The following GRIP1 variants were observed in gnomAD, a reference collection of about 807,000 sequenced individuals.
The protein encoded by GRIP1 is glutamate receptor interacting protein 1.
GRIP1 carries 45 observed loss-of-function variants against 129.9 expected under a neutral mutation model. The observed-to-expected ratio is 0.35, with a 90% CI of 0.27 to 0.44. The LOEUF (loss-of-function observed/expected upper bound fraction) is 0.44, where lower values mean the gene tolerates loss of function less well. Ranked by LOEUF, GRIP1 falls within the 20% of genes least tolerant of loss-of-function variation. The pLI is 1.00. For missense variants in GRIP1, 1,196 were observed against 1,396.8 expected (o/e 0.86, Z 2.29); for synonymous variants, 530 against 520.8 (o/e 1.02, Z -0.24).
chr12:66,955,061 C>A (rs1464315224), intron 1 of GRIP1, among the ~76,000 whole-genome samples: 1 of 152,132 alleles, frequency 6.6e-6, no homozygotes. Context: ...TAATTGATAT[C>A]TTTTCATGAA....
At chr12:66,581,736 C>T (rs1200642695) in intron 2 of GRIP1, among the ~76,000 whole-genome samples, 1 of 152,112 alleles carries the variant, frequency 6.6e-6, no homozygotes, top group African/African-American at 2.4e-5. Context: ...AGACCAATAA[C>T]AGGAGCTGAA....
At chr12:66,892,378 T>A (rs2137236005) in intron 1 of GRIP1, among the ~76,000 whole-genome samples, 1 of 152,252 alleles carries the variant, frequency 6.6e-6, no homozygotes, top group South Asian at 2.1e-4. Flanking sequence ...GAACCTTTTT[T>A]AAAAAATGTT....
At position 66,432,571 on chromosome 12, in the gene GRIP1, A is replaced by T; in HGVS notation, c.1745T>A (p.Val582Glu). Residue 582 changes from valine to glutamate, a missense_variant, in exon 14 of 25, where the codon GTG becomes GAG. Physicochemically the swap from Val to Glu is moderately radical, Grantham distance 121 (BLOSUM62 -2). Coordinates refer to ENST00000359742, the MANE Select transcript of GRIP1 (RefSeq NM_001366722.1). ...FHVKLPKKHNVELGITISSPS... is the reference protein window; with the variant it reads ...FHVKLPKKHNEELGITISSPS... Reference sequence around the variant, plus strand: ...ACAACTTATGGTTATTCCAAGTTCCACATTGTGCTTCTTAGGCAGCTTTAC... The same window carrying T: ...ACAACTTATGGTTATTCCAAGTTCCTCATTGTGCTTCTTAGGCAGCTTTAC... The T allele has an allele frequency of 6.3e-7, 1 of 1,598,338 alleles. No individual in the cohort carries two copies.
At chr12:66,376,809 T>C (rs535898117) in intron 22 of GRIP1, among the ~76,000 whole-genome samples, 2 of 152,360 alleles carry the variant, frequency 1.3e-5, no homozygotes, top group South Asian at 4.1e-4. Flanking sequence ...GCTGGGAGAC[T>C]TAGCTCGCTT....
intron 1 of GRIP1, among the ~76,000 whole-genome samples, chr12:67,048,150 GAA>G (rs35243687): frequency 3.6e-5 from 5 of 137,360 alleles, no homozygotes; most frequent in Non-Finnish European, 4.7e-5. Context: ...CTTATTTTGG[GAA>G]AAAAAAAAAA....
chr12:66,415,430 G>T (rs910153510), intron 15 of GRIP1, among the ~76,000 whole-genome samples: 1 of 152,204 alleles, frequency 6.6e-6, no homozygotes, highest in Non-Finnish European at 1.5e-5. Context: ...ACAGATGCCG[G>T]TGAGGTTGCA....
chr12:66,997,208 C>T (rs1466302382), intron 1 of GRIP1, among the ~76,000 whole-genome samples: 1 of 152,046 alleles, frequency 6.6e-6, no homozygotes, highest in Non-Finnish European at 1.5e-5. Context: ...AGTATTTTTA[C>T]AATGAGGTAT....
At chr12:66,632,256 T>C (rs1043503509) in intron 1 of GRIP1, among the ~76,000 whole-genome samples, 2 of 152,074 alleles carry the variant, frequency 1.3e-5, no homozygotes, top group Non-Finnish European at 2.9e-5. Context: ...CAGAACTGCA[T>C]GGGAGAAAAA....
At chr12:66,780,963 C>T (rs1310999451) in intron 1 of GRIP1, among the ~76,000 whole-genome samples, 5 of 152,094 alleles carry the variant, frequency 3.3e-5, no homozygotes, top group African/African-American at 4.8e-5. Flanking sequence ...CCCAAGACAG[C>T]GTGGAGCAGG....
intron 1 of GRIP1, among the ~76,000 whole-genome samples, chr12:66,998,429 A>ATAT (rs148553469): frequency 6.6e-6 from 1 of 151,806 alleles, no homozygotes. Flanking sequence ...GATAAAAAAA[A>ATAT]ATATATATTT....
chr12:66,756,275 C>G (rs113580864), intron 1 of GRIP1, among the ~76,000 whole-genome samples: 349 of 152,214 alleles, frequency 2.3e-3, no homozygotes, highest in African/African-American at 7.9e-3. Flanking sequence ...TGAGTGCAAT[C>G]ATATCATATT....
chr12:66,823,085 C>A (rs995063838), intron 1 of GRIP1, among the ~76,000 whole-genome samples: 2 of 152,080 alleles, frequency 1.3e-5, no homozygotes, highest in African/African-American at 4.8e-5. Context: ...TCCAGCAAAC[C>A]CTACTAACTG....
At chr12:66,463,786 G>A (rs2059204504) in intron 8 of GRIP1, among the ~76,000 whole-genome samples, 3 of 152,152 alleles carry the variant, frequency 2.0e-5, no homozygotes, top group Non-Finnish European at 2.9e-5. Context: ...CTCAAGAGCT[G>A]GCTACTGGAT....
At chr12:66,571,145 A>G (rs1340317373) in intron 2 of GRIP1, 3 of 152,204 alleles carry the variant, frequency 2.0e-5, no homozygotes, top group Non-Finnish European at 4.4e-5. Flanking sequence ...AAGTTCTAAG[A>G]CTATTTTTCT....
chr12:66,874,865 C>T (rs752907700), intron 1 of GRIP1, among the ~76,000 whole-genome samples: 5 of 152,026 alleles, frequency 3.3e-5, no homozygotes, highest in Non-Finnish European at 5.9e-5. Flanking sequence ...ATTTACCAAA[C>T]GTTCCACCAT....
intron 1 of GRIP1, among the ~76,000 whole-genome samples, chr12:67,066,952 G>C (rs542111063): frequency 7.0e-6 from 1 of 143,552 alleles, no homozygotes; most frequent in African/African-American, 2.6e-5. Flanking sequence ...CAGTTAGACA[G>C]GAAATTGTGA....
chr12:66,836,623 A>G (rs2039619276), intron 1 of GRIP1, among the ~76,000 whole-genome samples: 1 of 152,238 alleles, frequency 6.6e-6, no homozygotes, highest in Admixed American at 6.5e-5. Context: ...TAACTTGTAC[A>G]CAATAAAATA....
intron 7 of GRIP1, among the ~76,000 whole-genome samples, chr12:66,469,451 A>G (rs559673727): frequency 6.6e-6 from 1 of 152,330 alleles, no homozygotes; most frequent in East Asian, 1.9e-4. Context: ...AGGTGGGATA[A>G]AAATCCTCAG....
intron 2 of GRIP1, among the ~76,000 whole-genome samples, chr12:66,561,618 C>A (rs1350218829): frequency 1.3e-5 from 2 of 152,064 alleles, no homozygotes; most frequent in African/African-American, 4.8e-5. Flanking sequence ...GCAAATGGTT[C>A]ATTATGCCCT....
Sources: gnomAD v4.1 joint callset for allele counts (sites outside exome capture counted in the v4.1 genomes callset) on GRCh38, gnomAD v4.1.1 for gene constraint, MANE v1.5 for transcripts, NCBI Gene and HGNC (gene_info 2026-07-23, HGNC 2026-07-21) for gene names.